The following LMO3 variants were observed in gnomAD, a reference collection of about 807,000 sequenced individuals.
The protein encoded by LMO3 is LIM domain only protein 3.
Under a neutral mutation model 15.8 loss-of-function variants are expected in LMO3, and 2 were observed. The observed-to-expected ratio is 0.13, with a 90% confidence interval of 0.05 to 0.40. The LOEUF is 0.40. LMO3 is among the 10% of genes least tolerant of loss of function. The pLI is 0.99. For synonymous variants in LMO3, 62 were observed against 63.8 expected, an observed-to-expected ratio of 0.97 and a Z score of 0.13; for missense variants, 86 against 182.2, an observed-to-expected ratio of 0.47 and a Z score of 3.04.
At chr12:16,575,355 T>C (rs745565879) in intron 2 of LMO3, among the ~76,000 whole-genome samples, 2 of 152,218 alleles carry the variant, frequency 1.3e-5, no homozygotes, top group Non-Finnish European at 2.9e-5. Context: ...GACCAAGTCC[T>C]CTCTGATAAT....
intron 1 of LMO3, among the ~76,000 whole-genome samples, chr12:16,601,507 A>G (rs1943823214): frequency 6.6e-6 from 1 of 152,176 alleles, no homozygotes; most frequent in South Asian, 2.1e-4. Flanking sequence ...CAAATATAAC[A>G]TTTATACTCA....
Position 16,606,054 on chromosome 12 carries a change from T to G in LMO3, c.-9+12A>C, listed in dbSNP as rs1335118089. 1.8e-6 allele frequency: 1 copy of G among 566,980 alleles called. No individual in the cohort carries two copies. Among genetic ancestry groups the G allele is most frequent in the African/African-American group, 1.9e-5 (1 of 52,712 alleles). The allele number at this position is 566,980 out of a possible 1,614,324, so 35.1% of individuals were successfully genotyped here. ...ATAAGCCGACGCGTGTGTACACAGT[T>G]GCTGCACTTACCTTCTCAATTAAGC... On this transcript the variant is annotated intron_variant, in intron 1 of 3. Transcript: ENST00000537304.
chr12:16,598,239 C>G lies in LMO3; in HGVS notation c.206+2416G>C, dbSNP rs1480031370. 2.0e-5 allele frequency: 3 copies of G among 152,098 alleles called. No individual in the cohort carries two copies. In the East Asian group the frequency reaches 5.8e-4, roughly 29 times the overall value. 9.4% of individuals were successfully genotyped at this position (152,098 alleles called of 1,614,324 possible). Reference sequence around the variant, plus strand: ...CTAAATACCACATCTGCGGCATAATCTATAACACGTAACACAGTGTTTTAC... The same window carrying G: ...CTAAATACCACATCTGCGGCATAATGTATAACACGTAACACAGTGTTTTAC... On this transcript the variant is annotated intron_variant, in intron 2 of 3. Transcript: ENST00000537304. The surrounding 1 kb of genome is among the most constrained non-coding windows in gnomAD (Gnocchi z 4.3).
rs1306409223 is a variant in LMO3 at position 16,589,157 on chromosome 12, A to G, written c.206+11498T>C. On this transcript the variant is annotated intron_variant, in intron 2 of 3. Coordinates refer to ENST00000537304, the MANE Select transcript of LMO3 (RefSeq NM_018640.5). This position sits in a 1 kb window ranked among gnomAD's most constrained non-coding sequence, Gnocchi z 4.2. ...TTAGATGTAACCTCACCCAGTTTGG[A>G]AGATTTTAGGGAAGTGACAAGAACT... Among the ~76,000 whole-genome samples the G allele has an allele frequency of 6.6e-6, 1 of 152,054 alleles. No homozygotes were observed. Among genetic ancestry groups the G allele is most frequent in the African/African-American group, 2.4e-5 (1 of 41,414 alleles).
intron 2 of LMO3, among the ~76,000 whole-genome samples, chr12:16,565,540 A>G (rs1345563895): frequency 1.3e-5 from 2 of 152,194 alleles, no homozygotes; most frequent in Admixed American, 1.3e-4. Context: ...ATGTATTATG[A>G]AAGTTAAAGA....
chr12:16,557,736 T>C (rs1942245271), intron 3 of LMO3, among the ~76,000 whole-genome samples: 1 of 152,110 alleles, frequency 6.6e-6, no homozygotes. Flanking sequence ...AATTATTTTA[T>C]TGAAGTTTCA....
intron 2 of LMO3, chr12:16,594,119 A>T: frequency 6.5e-7 from 1 of 1,531,478 alleles, no homozygotes; most frequent in South Asian, 1.2e-5. Flanking sequence ...TTTGAATTTT[A>T]CAAGTTTTAA....
intron 1 of LMO3, chr12:16,605,547 A>C: frequency 1.7e-6 from 1 of 585,992 alleles, no homozygotes; most frequent in South Asian, 2.7e-5. Context: ...CAAGGACCAA[A>C]AGATTGTAAT....
chr12:16,605,586 GA>G lies in LMO3; in HGVS notation c.-9+479del, dbSNP rs1943967128. 11 of 674,982 alleles carry G rather than the reference GA, an allele frequency of 1.6e-5. No individual in the cohort carries two copies. In the East Asian group the frequency reaches 3.1e-4, roughly 19 times the overall value. 41.8% of individuals were successfully genotyped at this position (674,982 alleles called of 1,614,324 possible). A position where few individuals can be genotyped will look rare whatever the true frequency, so the allele number is the denominator to read the frequency against. ...AACTCTTTAAGAAGTGGGGGTTCAT[GA>G]ATTCCAGCAAGTAAGGGGGAGGGGT... On this transcript the variant is annotated intron_variant, in intron 1 of 3. Transcript: ENST00000537304.
At chr12:16,572,486 T>C (rs1942850753) in intron 2 of LMO3, among the ~76,000 whole-genome samples, 1 of 150,044 alleles carries the variant, frequency 6.7e-6, no homozygotes, top group Non-Finnish European at 1.5e-5. Context: ...TTAGGACTTA[T>C]TATTTGAAGT....
chr12:16,607,774 C>G (rs1944049455), upstream of LMO3: 1 of 150,564 alleles, frequency 6.6e-6, no homozygotes, highest in South Asian at 2.1e-4. Flanking sequence ...ATCAAAGCAC[C>G]CCCCCCATGA....
Position 16,586,343 on chromosome 12 carries a change from A to G in LMO3, c.206+14312T>C, listed in dbSNP as rs1392823893. On this transcript the variant is annotated intron_variant, in intron 2 of 3. Coordinates refer to ENST00000537304, the MANE Select transcript of LMO3 (RefSeq NM_018640.5). The surrounding 1 kb of genome is among the most constrained non-coding windows in gnomAD (Gnocchi z 4.3). ...GGAACAACTAAGAAACAACTAAAAC[A>G]CGTGCATGAATGGAGAACCACTGCA... 6.6e-6 allele frequency among the ~76,000 whole-genome samples: 1 copy of G among 152,172 alleles called. No individual in the cohort carries two copies. The highest frequency in any genetic ancestry group is 6.5e-5 in the Admixed American group (1 of 15,268).
rs2058768 is a variant in LMO3, at chr12:16,596,204, C to A, written c.206+4451G>T. On this transcript the variant is annotated intron_variant, in intron 2 of 3. Coordinates refer to ENST00000537304, the MANE Select transcript of LMO3 (RefSeq NM_018640.5). The surrounding 1 kb of genome is among the most constrained non-coding windows in gnomAD (Gnocchi z 4.3). ...AGTTATTATATTATTATATTAAAGC[C>A]TATAAAATTTGTAGTCAGCATAGCA... is the stretch of plus-strand genomic sequence containing the variant. Among the ~76,000 whole-genome samples, 130,600 of 151,482 alleles carry A rather than the reference C, an allele frequency of 0.86. 56,439 individuals are homozygous for A. The highest frequency in any genetic ancestry group is 0.88 in the Middle Eastern group (260 of 294).
At chr12:16,557,557 A>G (rs1282421251) in intron 3 of LMO3, among the ~76,000 whole-genome samples, 1 of 152,078 alleles carries the variant, frequency 6.6e-6, no homozygotes, top group Non-Finnish European at 1.5e-5. Flanking sequence ...GAATTTAACC[A>G]GATAGAGATA....
intron 2 of LMO3, among the ~76,000 whole-genome samples, chr12:16,562,809 C>T (rs1219002254): frequency 6.6e-6 from 1 of 152,204 alleles, no homozygotes; most frequent in African/African-American, 2.4e-5. Context: ...TAAACAAAGT[C>T]CTTGGAATGG....
At position 16,549,917 on chromosome 12, in the gene LMO3, TC is replaced by T. The variant is rs1941923527; in HGVS notation, c.*1304del. 6.6e-6 allele frequency: 1 copy of T among 152,096 alleles called. No homozygotes were observed. Among genetic ancestry groups the T allele is most frequent in the South Asian group, 2.1e-4 (1 of 4,834 alleles). 9.4% of individuals were successfully genotyped at this position (152,096 alleles called of 1,614,324 possible). A position where few individuals can be genotyped will look rare whatever the true frequency, so the allele number is the denominator to read the frequency against. On this transcript the variant is annotated 3_prime_UTR_variant, in exon 4 of 4. Coordinates refer to ENST00000537304, the MANE Select transcript of LMO3 (RefSeq NM_018640.5). ...ACCTTAAAAAATGGAAAGACAAATT[TC>T]AGCCTAAGAATGATGTATTCTGAGT...
Position 16,560,400 on chromosome 12 carries a change from G to C in LMO3, c.332+13C>G. On this transcript the variant is annotated intron_variant, in intron 3 of 3. Transcript: ENST00000537304. The surrounding 1 kb of genome is among the most constrained non-coding windows in gnomAD (Gnocchi z 5.0). ...TTAACCATTTCTTAGAGACCAAAAA[G>C]AGACCTGCTTACCTCTGATTACAAA... The C allele has an allele frequency of 6.2e-7, 1 of 1,610,042 alleles. No individual in the cohort carries two copies.
chr12:16,594,233 A>G (rs1281126053), intron 2 of LMO3: 2 of 1,532,196 alleles, frequency 1.3e-6, no homozygotes, highest in Non-Finnish European at 8.7e-7. Context: ...TGCAGCATGT[A>G]TGTATATAGA....
At chr12:16,570,929 GAAT>G in intron 2 of LMO3, among the ~76,000 whole-genome samples, 1 of 152,070 alleles carries the variant, frequency 6.6e-6, no homozygotes, top group Non-Finnish European at 1.5e-5. Flanking sequence ...CTGTGTAGGA[GAAT>G]AATGTCAACC....
Sources: allele counts gnomAD v4.1 joint callset (sites outside exome capture counted in the v4.1 genomes callset), GRCh38; gene constraint gnomAD v4.1.1; non-coding constraint Gnocchi (gnomAD v3.1); transcripts MANE v1.5; gene names NCBI Gene and HGNC (gene_info 2026-07-23, HGNC 2026-07-21).